The following WDR20 variants were observed in gnomAD, a reference collection of about 807,000 sequenced individuals.
The protein encoded by WDR20 is WD repeat domain 20.
A neutral mutation model predicts 38.7 loss-of-function variants in WDR20; 3 were observed. That is an observed-to-expected ratio of 0.08 (90% CI 0.04 to 0.20). The LOEUF (loss-of-function observed/expected upper bound fraction) is 0.20, where lower values mean the gene tolerates loss of function less well. Among genes scored for constraint, WDR20 ranks in the 10% least tolerant of loss-of-function variants. The pLI is 1.00. For synonymous variants in WDR20, 298 were observed against 285.6 expected, an observed-to-expected ratio of 1.04 and a Z score of -0.44; for missense variants, 559 against 727.7, an observed-to-expected ratio of 0.77 and a Z score of 2.67.
At chr14:102,163,943 A>T (rs1238928224) in intron 1 of WDR20, among the ~76,000 whole-genome samples, 1 of 152,072 alleles carries the variant, frequency 6.6e-6, no homozygotes, top group African/African-American at 2.4e-5. Context: ...CTCCCTTTAA[A>T]TTATAGAATC....
At chr14:102,188,357 C>A (rs145642027) in intron 1 of WDR20, among the ~76,000 whole-genome samples, 1 of 152,148 alleles carries the variant, frequency 6.6e-6, no homozygotes, top group African/African-American at 2.4e-5. Flanking sequence ...TAGCCCCTCT[C>A]GGGTTCAAGT....
At chr14:102,150,419 A>G (rs1040479932) in intron 1 of WDR20, among the ~76,000 whole-genome samples, 2 of 152,146 alleles carry the variant, frequency 1.3e-5, no homozygotes, top group African/African-American at 4.8e-5. Context: ...TCGAGGCTGC[A>G]CTGTGATTGA....
chr14:102,183,078 A>T (rs2063746924), intron 1 of WDR20, among the ~76,000 whole-genome samples: 1 of 152,176 alleles, frequency 6.6e-6, no homozygotes, highest in Non-Finnish European at 1.5e-5. Context: ...GAGAAAAAAA[A>T]AGAAAGTTGT....
Position 102,181,311 on chromosome 14 carries a change from A to G in WDR20, c.250-13627A>G, listed in dbSNP as rs1447025641. On this transcript the variant is annotated intron_variant, in intron 1 of 2. Transcript: ENST00000342702. ...GGTGAGAGGAGAAGGAGACTGAGAA[A>G]TGAGGGCTTTGGGTTAGATTACCTT... 2.6e-5 allele frequency among the ~76,000 whole-genome samples: 4 copies of G among 152,172 alleles called. No individual in the cohort carries two copies. The East Asian group carries it at 7.7e-4, about 29-fold the overall frequency.
intron 1 of WDR20, among the ~76,000 whole-genome samples, chr14:102,143,187 A>G (rs991117288): frequency 4.6e-5 from 7 of 152,166 alleles, no homozygotes; most frequent in African/African-American, 1.7e-4. Flanking sequence ...CTGAGTCTAA[A>G]CCAGCTTAGA....
intron 1 of WDR20, among the ~76,000 whole-genome samples, chr14:102,179,234 T>G (rs2062845217): frequency 2.0e-5 from 3 of 152,064 alleles, no homozygotes; most frequent in Admixed American, 1.3e-4. Flanking sequence ...TAATATTCAT[T>G]TATTTACAAT....
intron 2 of WDR20, among the ~76,000 whole-genome samples, chr14:102,202,613 C>G (rs1040165872): frequency 6.6e-6 from 1 of 152,066 alleles, no homozygotes; most frequent in African/African-American, 2.4e-5. Flanking sequence ...ATCTCCTGAC[C>G]TCGTGATCCG....
rs138200689 is a variant in WDR20, at chr14:102,193,614, G to A, written c.250-1324G>A. 98 of 1,159,170 alleles carry A rather than the reference G, an allele frequency of 8.5e-5. No individual in the cohort carries two copies. The East Asian group carries it at 2.4e-3, about 29-fold the overall frequency. 71.8% of individuals were successfully genotyped at this position (1,159,170 alleles called of 1,614,324 possible). On this transcript the variant is annotated intron_variant, in intron 1 of 2. Transcript: ENST00000342702. ...CGCTCAGGTCCAGACTTCTACATGT[G>A]CAAGGTTTTGAGTTTGCTCAAAGAC... is the stretch of plus-strand genomic sequence containing the variant.
In WDR20 at chr14:102,208,836, C is replaced by G. The variant is rs1273699955; in HGVS notation, c.666C>G (p.Ala222=). The G allele has an allele frequency of 6.2e-7, 1 of 1,613,992 alleles. No homozygotes were observed. Among genetic ancestry groups the G allele is most frequent in the Non-Finnish European group, 8.5e-7 (1 of 1,180,036 alleles). ...PLLKWTVGEG[A]LNEFAFSPDG... is the part of the protein sequence containing the mutation. ...TTAAGTGGACGGTGGGCGAGGGGGC[C>G]CTCAACGAGTTTGCTTTCTCCCCAG... The change falls in exon 3 of 3, where the codon GCC becomes GCG. Residue 222 remains alanine, a synonymous_variant. Coordinates refer to ENST00000342702, the MANE Select transcript of WDR20 (RefSeq NM_144574.4). This position sits in a 1 kb window ranked among gnomAD's most constrained non-coding sequence, Gnocchi z 5.6.
intron 1 of WDR20, among the ~76,000 whole-genome samples, chr14:102,181,927 A>G (rs1001040697): frequency 6.6e-6 from 1 of 152,216 alleles, no homozygotes; most frequent in African/African-American, 2.4e-5. Context: ...TATTGAGACT[A>G]CAAATACACC....
chr14:102,151,311 C>G (rs568836093), intron 1 of WDR20, among the ~76,000 whole-genome samples: 7 of 151,096 alleles, frequency 4.6e-5, no homozygotes, highest in Admixed American at 1.3e-4. Context: ...TGTCAAAAAA[C>G]GAACTATGAC....
rs143670354 is a variant in WDR20, at chr14:102,199,048, G to A, written c.432+3928G>A. 2.6e-5 allele frequency among the ~76,000 whole-genome samples: 4 copies of A among 152,218 alleles called. No individual in the cohort carries two copies. In the East Asian group the frequency reaches 7.7e-4, roughly 29 times the overall value. On this transcript the variant is annotated intron_variant, in intron 2 of 2. Transcript: ENST00000342702. Reference sequence around the variant, plus strand: ...AGAGATGATGGTGAGAACAAAGAAGGCCTGGGTCTGAGGCCTGATTATACT... The same window carrying A: ...AGAGATGATGGTGAGAACAAAGAAGACCTGGGTCTGAGGCCTGATTATACT...
At chr14:102,146,769 G>GT (rs1156913457) in intron 1 of WDR20, among the ~76,000 whole-genome samples, 5 of 152,082 alleles carry the variant, frequency 3.3e-5, no homozygotes, top group African/African-American at 1.2e-4. Flanking sequence ...TTCAGAGAGG[G>GT]TCATGTTCAC....
At chr14:102,165,015 C>G (rs927426200) in intron 1 of WDR20, among the ~76,000 whole-genome samples, 4 of 152,230 alleles carry the variant, frequency 2.6e-5, no homozygotes, top group Admixed American at 2.6e-4. Context: ...AGAGTTCCGT[C>G]TCTGCCACTG....
rs188466568 is a variant in WDR20, at chr14:102,145,726, G to A, written c.249+5554G>A. ...GTTGAGGCTGCAGTGAGCTGTAATC[G>A]TGCCACTGCACTCCAGCCCGGGCAA... On this transcript the variant is annotated intron_variant, in intron 1 of 2. Coordinates refer to ENST00000342702, the MANE Select transcript of WDR20 (RefSeq NM_144574.4). Among the ~76,000 whole-genome samples, 7 of 152,200 alleles carry A rather than the reference G, an allele frequency of 4.6e-5. No homozygotes were observed. The South Asian group carries it at 6.2e-4, about 14-fold the overall frequency.
At chr14:102,192,194 T>C (rs1368413070) in intron 1 of WDR20, among the ~76,000 whole-genome samples, 3 of 152,038 alleles carry the variant, frequency 2.0e-5, no homozygotes, top group Non-Finnish European at 2.9e-5. Flanking sequence ...TTTTTTTTTT[T>C]TTTGAGACAG....
At chr14:102,204,172 T>A (rs567883769) in intron 2 of WDR20, among the ~76,000 whole-genome samples, 19 of 152,260 alleles carry the variant, frequency 1.2e-4, no homozygotes, top group Non-Finnish European at 1.9e-4. Flanking sequence ...CTTTGGGGTC[T>A]GATGGGCCCG....
chr14:102,221,011 C>T lies in WDR20; in HGVS notation c.1693-1819C>T, dbSNP rs1265416009. On this transcript the variant is annotated intron_variant, in intron 3 of 3. Coordinates refer to the WDR20 transcript ENST00000335263. This position sits in a 1 kb window ranked among gnomAD's most constrained non-coding sequence, Gnocchi z 4.8. ...CAGACTCCTGGGCTCAAGTAATCTC[C>T]CCACCTCAGCCTCCCACAGGGCTGG... Among the ~76,000 whole-genome samples the T allele has an allele frequency of 6.6e-6, 1 of 152,208 alleles. No individual in the cohort carries two copies. The highest frequency in any genetic ancestry group is 2.4e-5 in the African/African-American group (1 of 41,456).
At chr14:102,183,912 G>T (rs1279146886) in intron 1 of WDR20, among the ~76,000 whole-genome samples, 1 of 152,174 alleles carries the variant, frequency 6.6e-6, no homozygotes, top group Admixed American at 6.5e-5. Context: ...TAATTTACCA[G>T]TGTTGTCTCA....
Sources: allele counts gnomAD v4.1 joint callset (sites outside exome capture counted in the v4.1 genomes callset), GRCh38; gene constraint gnomAD v4.1.1; non-coding constraint Gnocchi (gnomAD v3.1); transcripts MANE v1.5; gene names NCBI Gene and HGNC (gene_info 2026-07-23, HGNC 2026-07-21).